TNRC6B: variants seen among roughly 807,000 people sequenced by gnomAD.
TNRC6B encodes trinucleotide repeat containing adaptor 6B.
A neutral mutation model predicts 203.6 loss-of-function variants in TNRC6B; 52 were observed. That is an observed-to-expected ratio of 0.26 (90% CI 0.20 to 0.32). The LOEUF is 0.32. Among genes scored for constraint, TNRC6B ranks in the 10% least tolerant of loss-of-function variants. The pLI is 1.00. For missense variants in TNRC6B, 1,923 were observed against 2,286.2 expected, an observed-to-expected ratio of 0.84 and a Z score of 3.24; for synonymous variants, 838 against 845.7, an observed-to-expected ratio of 0.99 and a Z score of 0.16.
chr22:40,283,327 C>T lies in TNRC6B; in HGVS notation c.3582+2038C>T, dbSNP rs143532156. On this transcript the variant is annotated intron_variant, in intron 11 of 22. Coordinates refer to ENST00000454349, the MANE Select transcript of TNRC6B (RefSeq NM_001162501.2). ...TGCTGGGATTACAGGCGTGAGCCAC[C>T]GTGCCCAGCCTTTCTCCTGTTTATT... 2.2e-3 allele frequency among the ~76,000 whole-genome samples: 329 copies of T among 152,250 alleles called. 1 individual carries two copies. Among genetic ancestry groups the T allele is most frequent in the African/African-American group, 7.2e-3 (299 of 41,540 alleles).
At position 40,331,599 on chromosome 22, in the gene TNRC6B, T is replaced by TA. The variant is rs1365023296; in HGVS notation, c.*8359dup. Reference sequence around the variant, plus strand: ...CTCTCATGGCCTTGAAATGTATTATTATGCAAATGTGAATTTTGATACTGA... The same window carrying TA: ...CTCTCATGGCCTTGAAATGTATTATTAATGCAAATGTGAATTTTGATACTGA... On this transcript the variant is annotated 3_prime_UTR_variant, in exon 23 of 23. Coordinates refer to ENST00000454349, the MANE Select transcript of TNRC6B (RefSeq NM_001162501.2). 2 of 390,432 alleles carry TA rather than the reference T, an allele frequency of 5.1e-6. No individual in the cohort carries two copies. Among genetic ancestry groups the TA allele is most frequent in the Admixed American group, 9.0e-5 (2 of 22,274 alleles). 24.2% of individuals were successfully genotyped at this position (390,432 alleles called of 1,614,324 possible).
Position 40,265,581 on chromosome 22 carries a change from A to C in TNRC6B, c.1351A>C (p.Lys451Gln). 6.2e-7 allele frequency: 1 copy of C among 1,613,860 alleles called. No homozygotes were observed. Among genetic ancestry groups the C allele is most frequent in the South Asian group, 1.1e-5 (1 of 91,064 alleles). The change falls in exon 5 of 23, where the codon AAA becomes CAA. Residue 451 changes from lysine (K) to glutamine (Q), a missense_variant. By Grantham distance (53) the Lys-to-Gln change is moderately conservative. Coordinates refer to ENST00000454349, the MANE Select transcript of TNRC6B (RefSeq NM_001162501.2). ...TTCTGGAAACAATGGGAACAATGGA[A>C]AAGAGAGAGAGGACTCCTGGAAAGG... is the stretch of plus-strand genomic sequence containing the variant. ...SNSGNNGNNG[K>Q]EREDSWKGAS... is the part of the protein sequence containing the mutation.
At chr22:40,215,208 A>G (rs1569024076) in intron 1 of TNRC6B, among the ~76,000 whole-genome samples, 2 of 152,182 alleles carry the variant, frequency 1.3e-5, no homozygotes, top group African/African-American at 4.8e-5. Context: ...GGTGTCCTAG[A>G]TCCGATACAT....
rs902125982 is a variant in TNRC6B, at chr22:40,333,756, C to T, written c.*10515C>T. 5 of 152,582 alleles carry T rather than the reference C, an allele frequency of 3.3e-5. No individual in the cohort carries two copies. The highest frequency in any genetic ancestry group is 1.3e-4 in the Admixed American group (2 of 15,280). The allele number at this position is 152,582 out of a possible 1,614,324, so 9.5% of individuals were successfully genotyped here. A position where few individuals can be genotyped will look rare whatever the true frequency, so the allele number is the denominator to read the frequency against. ...TCTTCCATTACCCCCTCCATGAGCT[C>T]GAAGCGACATTAAGTAGAGGGAAAT... On this transcript the variant is annotated 3_prime_UTR_variant, in exon 23 of 23. Coordinates refer to ENST00000454349, the MANE Select transcript of TNRC6B (RefSeq NM_001162501.2).
intron 3 of TNRC6B, among the ~76,000 whole-genome samples, chr22:40,255,875 CAG>C (rs2070269457): frequency 6.6e-6 from 1 of 152,062 alleles, no homozygotes; most frequent in African/African-American, 2.4e-5. Flanking sequence ...TGTTTTGAGA[CAG>C]AGTCTTGCTC....
At chr22:40,244,529 A>G (rs925136570) in intron 1 of TNRC6B, among the ~76,000 whole-genome samples, 5 of 151,506 alleles carry the variant, frequency 3.3e-5, no homozygotes, top group South Asian at 2.1e-4. Context: ...GTTTTCATCC[A>G]TGGTTCCTTT....
At chr22:40,186,778 A>G (rs1293721078) in intron 1 of TNRC6B, among the ~76,000 whole-genome samples, 1 of 151,994 alleles carries the variant, frequency 6.6e-6, no homozygotes, top group Non-Finnish European at 1.5e-5. Flanking sequence ...AATAAGTGAA[A>G]TTAATTTCAG....
At chr22:40,050,175 G>C (rs112043608) in intron 1 of TNRC6B, among the ~76,000 whole-genome samples, 4 of 152,244 alleles carry the variant, frequency 2.6e-5, no homozygotes, top group African/African-American at 9.6e-5. Flanking sequence ...TACCAAGCCA[G>C]CCCGGATCCA....
At chr22:40,191,702 C>T (rs542169098) in intron 1 of TNRC6B, among the ~76,000 whole-genome samples, 115 of 152,280 alleles carry the variant, frequency 7.6e-4, no homozygotes, top group African/African-American at 2.3e-3. Context: ...CTGCCTCAGC[C>T]TCCTGAGTAG....
At chr22:40,236,073 C>T (rs2069943482) in intron 1 of TNRC6B, among the ~76,000 whole-genome samples, 1 of 152,160 alleles carries the variant, frequency 6.6e-6, no homozygotes, top group Non-Finnish European at 1.5e-5. Flanking sequence ...AACTATAGTA[C>T]AATGTCGCAA....
intron 3 of TNRC6B, among the ~76,000 whole-genome samples, chr22:40,130,490 C>G (rs772891502): frequency 2.6e-5 from 4 of 151,992 alleles, no homozygotes; most frequent in Admixed American, 6.6e-5. Context: ...GAATAGTTAA[C>G]AAATGAATTG....
chr22:40,317,630 T>G (rs1404070971), intron 21 of TNRC6B, among the ~76,000 whole-genome samples: 1 of 152,212 alleles, frequency 6.6e-6, no homozygotes, highest in African/African-American at 2.4e-5. Context: ...TATTATCCTC[T>G]TCACGTGTAG....
At chr22:40,299,805 T>A (rs2070997880) in intron 12 of TNRC6B, among the ~76,000 whole-genome samples, 1 of 152,192 alleles carries the variant, frequency 6.6e-6, no homozygotes, top group Non-Finnish European at 1.5e-5. Flanking sequence ...ACTCACTTCT[T>A]CTTACTTAAA....
At chr22:40,087,207 G>A (rs1021039185) in intron 1 of TNRC6B, among the ~76,000 whole-genome samples, 4 of 152,158 alleles carry the variant, frequency 2.6e-5, no homozygotes, top group African/African-American at 4.8e-5. Flanking sequence ...TAGAATGATT[G>A]TATATTTAAA....
chr22:40,058,684 C>T (rs1026098941), intron 1 of TNRC6B, among the ~76,000 whole-genome samples: 2 of 152,240 alleles, frequency 1.3e-5, no homozygotes, highest in South Asian at 2.1e-4. Context: ...CCCTACTTCA[C>T]CTCCGTCTGG....
chr22:40,253,236 C>T (rs1310001368), intron 3 of TNRC6B, among the ~76,000 whole-genome samples: 1 of 151,284 alleles, frequency 6.6e-6, no homozygotes, highest in African/African-American at 2.4e-5. Context: ...CACCCGCCAC[C>T]ATGCCCGGCT....
At chr22:40,055,505 GTCA>G (rs2067786825) in intron 1 of TNRC6B, among the ~76,000 whole-genome samples, 1 of 152,178 alleles carries the variant, frequency 6.6e-6, no homozygotes, top group Admixed American at 6.5e-5. Context: ...ACCATGATAT[GTCA>G]GACTCAGCCT....
At chr22:40,281,924 G>T (rs2070725545) in intron 11 of TNRC6B, among the ~76,000 whole-genome samples, 1 of 152,188 alleles carries the variant, frequency 6.6e-6, no homozygotes, top group African/African-American at 2.4e-5. Context: ...GGCCTGGGAG[G>T]ATCATGCCTC....
At chr22:40,139,606 A>G (rs2068628690) in intron 3 of TNRC6B, among the ~76,000 whole-genome samples, 1 of 152,208 alleles carries the variant, frequency 6.6e-6, no homozygotes, top group African/African-American at 2.4e-5. Context: ...TGCCGGGATT[A>G]CAGGCGCGAG....
Sources: gnomAD v4.1 joint callset for allele counts (sites outside exome capture counted in the v4.1 genomes callset) on GRCh38, gnomAD v4.1.1 for gene constraint, MANE v1.5 for transcripts, NCBI Gene and HGNC (gene_info 2026-07-23, HGNC 2026-07-21) for gene names.